LINGO1: variants seen among roughly 807,000 people sequenced by gnomAD.
LINGO1 encodes leucine-rich repeat and immunoglobulin-like domain-containing nogo receptor-interacting protein 1.
LINGO1 carries 11 observed loss-of-function variants against 37.3 expected under a neutral mutation model. The observed-to-expected ratio is 0.29, with a 90% CI of 0.19 to 0.49. The LOEUF is 0.49. Ranked by LOEUF, LINGO1 falls within the 20% of genes least tolerant of loss-of-function variation. LINGO1 has a pLI of 0.99. For missense variants in LINGO1, 585 were observed against 878.2 expected, an observed-to-expected ratio of 0.67 and a Z score of 4.22; for synonymous variants, 387 against 403.0, an observed-to-expected ratio of 0.96 and a Z score of 0.48.
chr15:77,765,394 A>G (rs1192803137), intron 1 of LINGO1, among the ~76,000 whole-genome samples: 3 of 151,594 alleles, frequency 2.0e-5, no homozygotes, highest in Non-Finnish European at 4.4e-5. Context: ...CAGCCTGGGC[A>G]ACAGAGCGAG....
intron 1 of LINGO1, among the ~76,000 whole-genome samples, chr15:77,782,190 G>T (rs1471037889): frequency 6.7e-6 from 1 of 149,448 alleles, no homozygotes; most frequent in African/African-American, 2.5e-5. Flanking sequence ...GGCTCCACAC[G>T]ATGCTCAAGT....
intron 3 of LINGO1, among the ~76,000 whole-genome samples, chr15:77,671,999 T>TGCC (rs1567510216): frequency 3.3e-4 from 45 of 135,628 alleles, no homozygotes; most frequent in African/African-American, 1.6e-3. Context: ...GATGAGCCTC[T>TGCC]GCCTCCTCCT....
chr15:77,761,938 G>GTGCAACT (rs2076481601), intron 1 of LINGO1, among the ~76,000 whole-genome samples: 2 of 152,228 alleles, frequency 1.3e-5, no homozygotes, highest in African/African-American at 2.4e-5. Flanking sequence ...ATGGAGTGAG[G>GTGCAACT]CCGGGATGTG....
intron 2 of LINGO1, among the ~76,000 whole-genome samples, chr15:77,689,114 T>C (rs999791827): frequency 1.3e-5 from 2 of 152,066 alleles, no homozygotes; most frequent in Non-Finnish European, 2.9e-5. Context: ...AAGGGCATAA[T>C]AGGCAACAGG....
intron 1 of LINGO1, among the ~76,000 whole-genome samples, chr15:77,748,484 A>C (rs1427283743): frequency 6.6e-6 from 1 of 152,200 alleles, no homozygotes; most frequent in Admixed American, 6.5e-5. Flanking sequence ...GCCCGCCCTC[A>C]AGGTAGCCTC....
intron 1 of LINGO1, among the ~76,000 whole-genome samples, chr15:77,762,960 A>T (rs2141386488): frequency 6.6e-6 from 1 of 152,326 alleles, no homozygotes; most frequent in South Asian, 2.1e-4. Flanking sequence ...TGTGCCTGGC[A>T]CGTAGTAGGT....
chr15:77,734,559 G>A (rs1179811165), intron 2 of LINGO1, among the ~76,000 whole-genome samples: 1 of 151,480 alleles, frequency 6.6e-6, no homozygotes, highest in Non-Finnish European at 1.5e-5. Flanking sequence ...AGCACACCCT[G>A]CCCCAACAGA....
intron 2 of LINGO1, among the ~76,000 whole-genome samples, chr15:77,710,808 G>A (rs559595216): frequency 1.8e-4 from 28 of 152,364 alleles, no homozygotes; most frequent in African/African-American, 6.3e-4. Context: ...CAACCGTGCC[G>A]GGCCGCCAGG....
chr15:77,701,248 G>T (rs1026893522), upstream of LINGO1, among the ~76,000 whole-genome samples: 5 of 152,142 alleles, frequency 3.3e-5, no homozygotes, highest in African/African-American at 1.2e-4. Context: ...GGCCTGGGGG[G>T]TCTTTTTGGG....
At chr15:77,729,733 G>C (rs963931567) in intron 2 of LINGO1, among the ~76,000 whole-genome samples, 11 of 152,190 alleles carry the variant, frequency 7.2e-5, no homozygotes, top group Non-Finnish European at 1.6e-4. Flanking sequence ...ATGCTGTTTT[G>C]CTCCTGTGGA....
At position 77,614,623 on chromosome 15, in the gene LINGO1, G is replaced by T. The variant is rs761147525; in HGVS notation, c.1284C>A (p.Asp428Glu). ...CCACAAACACCTGCTGGGCCTTGCG[G>T]TCCCGGATGCGGGCGCGGCGGCAGG... ...YFTCRRARIR[D>E]RKAQQVFVDE... Residue 428 changes from aspartate to glutamate, a missense_variant, in exon 2 of 2, where the codon GAC becomes GAA. Asp to Glu is a conservative substitution (Grantham distance 45, BLOSUM62 2). Around this residue, in one of 4 missense-constraint regions of LINGO1, gnomAD observed 484 missense variants for 735.0 expected, o/e 0.66. Coordinates refer to ENST00000355300, the MANE Select transcript of LINGO1 (RefSeq NM_032808.7). 6 of 1,611,584 alleles carry T rather than the reference G, an allele frequency of 3.7e-6. No individual in the cohort carries two copies. The highest frequency in any genetic ancestry group is 5.1e-6 in the Non-Finnish European group (6 of 1,179,078).
intron 3 of LINGO1, among the ~76,000 whole-genome samples, chr15:77,640,972 G>A (rs2074491755): frequency 6.6e-6 from 1 of 152,184 alleles, no homozygotes; most frequent in Admixed American, 6.5e-5. Context: ...GTGGGGGTGG[G>A]GCTGCACACA....
rs1287695437 is a variant in LINGO1 at position 77,783,621 on chromosome 15, ATCCCAGG to A, written c.-257+3241_-257+3247del. On this transcript the variant is annotated intron_variant, in intron 1 of 3. Coordinates refer to the LINGO1 transcript ENST00000561686. ...TTTCTTCGTCCATTTAATGGGGATAATCCCAGGTCCCAACCTCTAGGACGGCTGTGTG... is the reference window on the plus strand; with the variant it reads ...TTTCTTCGTCCATTTAATGGGGATAATCCCAACCTCTAGGACGGCTGTGTG... Among the ~76,000 whole-genome samples, 5 of 152,308 alleles carry A rather than the reference ATCCCAGG, an allele frequency of 3.3e-5. No homozygotes were observed. The East Asian group carries it at 5.8e-4, about 18-fold the overall frequency.
chr15:77,675,036 C>A (rs1308142782), intron 3 of LINGO1, among the ~76,000 whole-genome samples: 2 of 152,068 alleles, frequency 1.3e-5, no homozygotes, highest in Non-Finnish European at 2.9e-5. Context: ...CAAGCATATG[C>A]AAATATGCTC....
At chr15:77,818,731 G>T (rs1243528009) in intron 1 of LINGO1, among the ~76,000 whole-genome samples, 1 of 152,116 alleles carries the variant, frequency 6.6e-6, no homozygotes, top group South Asian at 2.1e-4. Context: ...CTGTCCCCGC[G>T]CGGTCCTGCC....
intron 3 of LINGO1, among the ~76,000 whole-genome samples, chr15:77,671,916 G>C (rs1370368104): frequency 6.6e-6 from 1 of 152,196 alleles, no homozygotes; most frequent in Non-Finnish European, 1.5e-5. Flanking sequence ...CTGGCTCTGA[G>C]TGACTGCTGG....
rs1030867703 is a variant in LINGO1 at position 77,814,774 on chromosome 15, C to T, written c.-458+5484G>A. Among the ~76,000 whole-genome samples the T allele has an allele frequency of 2.0e-5, 3 of 152,204 alleles. No homozygotes were observed. The East Asian group carries it at 5.8e-4, about 29-fold the overall frequency. ...GCCCTTTGGATTCACCAGACTGATT[C>T]GAGGAGCCACTCCATACCCCAAAGT... On this transcript the variant is annotated intron_variant, in intron 1 of 5. Transcript: ENST00000562933.
chr15:77,777,744 A>G (rs565835056), intron 1 of LINGO1, among the ~76,000 whole-genome samples: 1 of 152,280 alleles, frequency 6.6e-6, no homozygotes, highest in East Asian at 1.9e-4. Flanking sequence ...TAGGAAACTT[A>G]GACCCCATCT....
intron 1 of LINGO1, among the ~76,000 whole-genome samples, chr15:77,811,726 A>G: frequency 6.6e-6 from 1 of 152,256 alleles, no homozygotes; most frequent in East Asian, 1.9e-4. Context: ...ACCACTTAAG[A>G]TTAGGCAGAA....
Sources: gnomAD v4.1 joint callset for allele counts (sites outside exome capture counted in the v4.1 genomes callset) on GRCh38, gnomAD v4.1.1 for gene constraint, gnomAD v4.1.1 regional missense constraint, MANE v1.5 for transcripts, NCBI Gene and HGNC (gene_info 2026-07-23, HGNC 2026-07-21) for gene names.